Variants in FOXN3 observed in about 807,000 individuals in gnomAD.
The protein encoded by FOXN3 is forkhead box N3.
Under a neutral mutation model 38.4 loss-of-function variants are expected in FOXN3, and 7 were observed. The observed-to-expected ratio is 0.18, with a 90% CI of 0.10 to 0.34. The LOEUF (loss-of-function observed/expected upper bound fraction) is 0.34. Ranked by LOEUF, FOXN3 falls within the 10% of genes least tolerant of loss-of-function variation. The pLI, the probability that FOXN3 is intolerant of heterozygous loss-of-function variation, is 1.00. For synonymous variants in FOXN3, 230 were observed against 242.2 expected, an observed-to-expected ratio of 0.95 and a Z score of 0.47; for missense variants, 456 against 613.4, an observed-to-expected ratio of 0.74 and a Z score of 2.71.
At chr14:89,564,883 A>C (rs998348954) in intron 1 of FOXN3, among the ~76,000 whole-genome samples, 3 of 152,056 alleles carry the variant, frequency 2.0e-5, no homozygotes, top group Non-Finnish European at 4.4e-5. Flanking sequence ...ACCCAAGGTC[A>C]GGAGTTCGAG....
In FOXN3 at chr14:89,560,080, C is replaced by T. The variant is rs376471245; in HGVS notation, c.-15+58948G>A. Among the ~76,000 whole-genome samples, 657 of 152,228 alleles carry T rather than the reference C, an allele frequency of 4.3e-3. 3 individuals carry two copies. The highest frequency in any genetic ancestry group is 0.015 in the African/African-American group (631 of 41,544). Reference sequence around the variant, plus strand: ...GGCTGGGGAGGCCTCAGGAAACTTACAATCATGCAGGAAGGTGAAGGGGAA... The same window carrying T: ...GGCTGGGGAGGCCTCAGGAAACTTATAATCATGCAGGAAGGTGAAGGGGAA... On this transcript the variant is annotated intron_variant, in intron 1 of 6. Coordinates refer to the FOXN3 transcript ENST00000345097.
intron 1 of FOXN3, among the ~76,000 whole-genome samples, chr14:89,485,149 C>CAAAAAAAAAAA (rs3057954): frequency 7.7e-6 from 1 of 129,074 alleles, no homozygotes. Context: ...AAGACTCTCT[C>CAAAAAAAAAAA]AAAAAAAAAA....
At chr14:89,340,938 C>T (rs1888597691) in intron 3 of FOXN3, among the ~76,000 whole-genome samples, 1 of 152,116 alleles carries the variant, frequency 6.6e-6, no homozygotes, top group African/African-American at 2.4e-5. Flanking sequence ...AGAGCCTGAC[C>T]TCTCATTGCT....
At chr14:89,290,884 C>G in intron 3 of FOXN3, 3 of 286,268 alleles carry the variant, frequency 1.0e-5, no homozygotes, top group Non-Finnish European at 2.1e-5. Context: ...TCTTCATTCT[C>G]AAAAAGTGGA....
intron 3 of FOXN3, among the ~76,000 whole-genome samples, chr14:89,295,877 G>C (rs1430747499): frequency 6.6e-6 from 1 of 150,804 alleles, no homozygotes; most frequent in Non-Finnish European, 1.5e-5. Flanking sequence ...GATTACAGGA[G>C]TGAGCCACCA....
chr14:89,191,948 G>A (rs1373939439), intron 4 of FOXN3, among the ~76,000 whole-genome samples: 3 of 117,946 alleles, frequency 2.5e-5, no homozygotes, highest in African/African-American at 1.4e-4. Flanking sequence ...ACTGATATTA[G>A]TATATATATA....
At position 89,567,721 on chromosome 14, in the gene FOXN3, ATT is replaced by A. The variant is rs58016745; in HGVS notation, c.-15+51305_-15+51306del. Reference sequence around the variant, plus strand: ...TTGTGCCACCAAACAAATCTCGTTGATTTTTTTTTTTTTTTTTTTTAGACAGA... The same window carrying A: ...TTGTGCCACCAAACAAATCTCGTTGATTTTTTTTTTTTTTTTTTAGACAGA... On this transcript the variant is annotated intron_variant, in intron 1 of 6. Transcript: ENST00000345097. Among the ~76,000 whole-genome samples the A allele has an allele frequency of 5.5e-3, 706 of 129,434 alleles. 3 individuals carry two copies. Among genetic ancestry groups the A allele is most frequent in the African/African-American group, 0.012 (403 of 34,490 alleles). The allele number at this position is 129,434 out of a possible 152,430, so 84.9% of individuals were successfully genotyped here.
intron 1 of FOXN3, among the ~76,000 whole-genome samples, chr14:89,415,406 T>G (rs1004650251): frequency 6.6e-6 from 1 of 152,068 alleles, no homozygotes; most frequent in African/African-American, 2.4e-5. Context: ...AATATGGTTT[T>G]AGGAGAAAAA....
intron 1 of FOXN3, among the ~76,000 whole-genome samples, chr14:89,441,784 C>T (rs1892389279): frequency 6.6e-6 from 1 of 152,130 alleles, no homozygotes; most frequent in African/African-American, 2.4e-5. Flanking sequence ...AAGTTGGGAT[C>T]CTGGAGGGTC....
intron 1 of FOXN3, among the ~76,000 whole-genome samples, chr14:89,565,180 T>C (rs1895326916): frequency 6.7e-6 from 1 of 149,576 alleles, no homozygotes; most frequent in South Asian, 2.1e-4. Context: ...AGGCAGAGAC[T>C]GGGGTTATGC....
rs542263023 is a variant in FOXN3 at position 89,588,487 on chromosome 14, C to T, written c.-15+30541G>A. On this transcript the variant is annotated intron_variant, in intron 1 of 6. Coordinates refer to the FOXN3 transcript ENST00000345097. The stretch of plus-strand genomic sequence containing the variant: ...CCAGCAACTTAACAACCATCAACAC[C>T]GCCCGATAGCACCAAGATAAAGGAC... Among the ~76,000 whole-genome samples, 46 of 152,178 alleles carry T rather than the reference C, an allele frequency of 3.0e-4. 2 individuals carry two copies. In the South Asian group the frequency reaches 8.9e-3, roughly 30 times the overall value.
intron 4 of FOXN3, among the ~76,000 whole-genome samples, chr14:89,197,465 C>A (rs1341610023): frequency 6.6e-6 from 1 of 151,164 alleles, no homozygotes; most frequent in Non-Finnish European, 1.5e-5. Context: ...GAGATGGTGC[C>A]ACTGCACTCC....
chr14:89,581,318 C>A (rs904583332), intron 1 of FOXN3, among the ~76,000 whole-genome samples: 1 of 151,872 alleles, frequency 6.6e-6, no homozygotes, highest in Admixed American at 6.6e-5. Flanking sequence ...CCCGTCTCTA[C>A]TACAAATTTC....
At chr14:89,248,151 A>G (rs1885350926) in intron 4 of FOXN3, among the ~76,000 whole-genome samples, 1 of 152,182 alleles carries the variant, frequency 6.6e-6, no homozygotes, top group Non-Finnish European at 1.5e-5. Context: ...AGGTCACATT[A>G]CATATATGAT....
intron 1 of FOXN3, among the ~76,000 whole-genome samples, chr14:89,425,062 C>CTTTTTTTT (rs3994032): frequency 4.5e-4 from 47 of 104,216 alleles, no homozygotes; most frequent in Admixed American, 8.8e-4. Context: ...GTTTTCTTTT[C>CTTTTTTTT]TTTTTTTTTT....
At chr14:89,418,886 A>G (rs561418037), upstream of FOXN3, among the ~76,000 whole-genome samples, 35 of 152,224 alleles carry the variant, frequency 2.3e-4, no homozygotes, top group African/African-American at 8.2e-4. Flanking sequence ...CCTAGAGAGG[A>G]CGAAGTCGCC....
intron 1 of FOXN3, among the ~76,000 whole-genome samples, chr14:89,516,019 C>A (rs771657713): frequency 1.3e-5 from 2 of 152,160 alleles, no homozygotes; most frequent in Admixed American, 6.5e-5. Context: ...GTAGAGTTTT[C>A]AAAATGCCAC....
chr14:89,414,183 G>A (rs1566646964), intron 1 of FOXN3, among the ~76,000 whole-genome samples: 1 of 152,060 alleles, frequency 6.6e-6, no homozygotes, highest in Non-Finnish European at 1.5e-5. Context: ...TAGGTGTGGT[G>A]GTGTGTGCCT....
At chr14:89,506,346 G>A (rs1257383460) in intron 1 of FOXN3, among the ~76,000 whole-genome samples, 3 of 108,970 alleles carry the variant, frequency 2.8e-5, no homozygotes, top group East Asian at 2.6e-4. Flanking sequence ...CCCCCCGCCC[G>A]GCCAGCCGCC....
Sources: gnomAD v4.1 joint callset for allele counts (sites outside exome capture counted in the v4.1 genomes callset) on GRCh38, gnomAD v4.1.1 for gene constraint, MANE v1.5 for transcripts, NCBI Gene and HGNC (gene_info 2026-07-23, HGNC 2026-07-21) for gene names.